Variants in ST7 observed in about 807,000 individuals in gnomAD.
ST7 encodes the protein suppression of tumorigenicity 7.
ST7 carries 28 observed loss-of-function variants against 78.7 expected under a neutral mutation model. The observed-to-expected ratio is 0.36, with a 90% CI of 0.26 to 0.49. The LOEUF is 0.49. Among genes scored for constraint, ST7 ranks in the 20% least tolerant of loss-of-function variants. ST7 has a pLI of 0.99. For missense variants in ST7, 418 were observed against 696.0 expected, an observed-to-expected ratio of 0.60 and a Z score of 4.49; for synonymous variants, 247 against 249.6, an observed-to-expected ratio of 0.99 and a Z score of 0.10.
At chr7:117,075,074 C>A (rs778326644) in intron 1 of ST7, among the ~76,000 whole-genome samples, 17 of 152,036 alleles carry the variant, frequency 1.1e-4, no homozygotes, top group Non-Finnish European at 1.8e-4. Context: ...AAAGGTGATA[C>A]CAGTGGTATG....
At chr7:117,110,583 C>T (rs185373220) in intron 2 of ST7, among the ~76,000 whole-genome samples, 201 of 152,324 alleles carry the variant, frequency 1.3e-3, no homozygotes, top group African/African-American at 4.6e-3. Flanking sequence ...AGGCAGCCTG[C>T]ACTCTGTCAC....
At chr7:117,051,879 A>AAGG (rs1797807896) in intron 1 of ST7, among the ~76,000 whole-genome samples, 1 of 152,218 alleles carries the variant, frequency 6.6e-6, no homozygotes, top group Non-Finnish European at 1.5e-5. Context: ...AAATTATCTG[A>AAGG]AGGAAATAGA....
intron 2 of ST7, among the ~76,000 whole-genome samples, chr7:117,113,596 G>T (rs1458895258): frequency 6.6e-6 from 1 of 152,150 alleles, no homozygotes; most frequent in East Asian, 1.9e-4. Context: ...ATCGTTTATT[G>T]TCTTCTTCCT....
chr7:117,150,440 G>A (rs1211930049), intron 9 of ST7, among the ~76,000 whole-genome samples: 1 of 151,984 alleles, frequency 6.6e-6, no homozygotes, highest in Non-Finnish European at 1.5e-5. Flanking sequence ...AGCTCTTCAG[G>A]TGGCCAGTTT....
intron 1 of ST7, among the ~76,000 whole-genome samples, chr7:116,977,302 T>G (rs1332518672): frequency 6.6e-6 from 1 of 152,230 alleles, no homozygotes; most frequent in East Asian, 1.9e-4. Context: ...AAAGTGTGAC[T>G]GTACTGCAAA....
chr7:117,172,150 G>A (rs1808045152), intron 10 of ST7, among the ~76,000 whole-genome samples: 1 of 152,066 alleles, frequency 6.6e-6, no homozygotes, highest in East Asian at 1.9e-4. Context: ...ACTGGTTATC[G>A]TTATGTTACC....
chr7:117,116,413 G>A (rs1277358101), intron 2 of ST7, among the ~76,000 whole-genome samples: 2 of 152,132 alleles, frequency 1.3e-5, no homozygotes, highest in Non-Finnish European at 2.9e-5. Context: ...AAATATGTGC[G>A]CATTAAATAA....
intron 1 of ST7, among the ~76,000 whole-genome samples, chr7:117,031,152 G>C (rs926342896): frequency 6.6e-6 from 1 of 151,634 alleles, no homozygotes; most frequent in African/African-American, 2.4e-5. Context: ...CACATGGACA[G>C]AAATTGGGTA....
chr7:117,215,500 G>A (rs1166108440), intron 13 of ST7, among the ~76,000 whole-genome samples: 1 of 152,170 alleles, frequency 6.6e-6, no homozygotes, highest in Non-Finnish European at 1.5e-5. Flanking sequence ...CACTATATGT[G>A]GATGCCTTGA....
intron 3 of ST7, among the ~76,000 whole-genome samples, chr7:117,120,028 G>C (rs766471756): frequency 6.6e-6 from 1 of 151,564 alleles, no homozygotes; most frequent in African/African-American, 2.4e-5. Flanking sequence ...TCTTATGCTC[G>C]GGTGATCCTC....
chr7:117,050,020 C>A (rs2116356520), intron 1 of ST7, among the ~76,000 whole-genome samples: 1 of 148,528 alleles, frequency 6.7e-6, no homozygotes, highest in East Asian at 2.0e-4. Flanking sequence ...TCCCGGCTAA[C>A]ACGGTGAAAC....
At chr7:117,169,977 T>C (rs1807867594) in intron 9 of ST7, among the ~76,000 whole-genome samples, 1 of 152,118 alleles carries the variant, frequency 6.6e-6, no homozygotes, top group African/African-American at 2.4e-5. Flanking sequence ...TCCTCTTTAC[T>C]ACCACCCCCA....
intron 1 of ST7, among the ~76,000 whole-genome samples, chr7:117,003,886 CTT>C (rs1795047614): frequency 6.6e-6 from 1 of 152,144 alleles, no homozygotes; most frequent in Non-Finnish European, 1.5e-5. Flanking sequence ...TGGAGGGTGT[CTT>C]TGCAGGGTGA....
intron 3 of ST7, among the ~76,000 whole-genome samples, chr7:117,125,301 A>G (rs1422402545): frequency 6.6e-6 from 1 of 152,106 alleles, no homozygotes; most frequent in African/African-American, 2.4e-5. Flanking sequence ...TGAGAAGTGC[A>G]TGACAGATGC....
chr7:117,071,142 C>G (rs1798929938), intron 1 of ST7, among the ~76,000 whole-genome samples: 1 of 152,064 alleles, frequency 6.6e-6, no homozygotes, highest in South Asian at 2.1e-4. Flanking sequence ...TGGCGTGAAC[C>G]CGGGAGGCGG....
intron 1 of ST7, among the ~76,000 whole-genome samples, chr7:117,033,157 A>G (rs896964096): frequency 6.6e-6 from 1 of 152,192 alleles, no homozygotes; most frequent in African/African-American, 2.4e-5. Flanking sequence ...ATTTTTGAAG[A>G]TTTCCATACC....
chr7:117,015,159 T>C (rs1795548447), intron 1 of ST7: 1 of 424,128 alleles, frequency 2.4e-6, no homozygotes, highest in South Asian at 1.1e-4. Flanking sequence ...TGTATGAATT[T>C]GTTTTATCCA....
chr7:117,152,624 A>T (rs1480672324), intron 9 of ST7, among the ~76,000 whole-genome samples: 1 of 152,104 alleles, frequency 6.6e-6, no homozygotes, highest in Non-Finnish European at 1.5e-5. Context: ...GTTTTGTTGC[A>T]GGGGAGAGGA....
At chr7:117,193,443 G>A (rs1313955577) in intron 12 of ST7, among the ~76,000 whole-genome samples, 3 of 152,306 alleles carry the variant, frequency 2.0e-5, no homozygotes, top group African/African-American at 7.2e-5. Context: ...TCTGTGAGGT[G>A]TATTATATTA....
Sources: gnomAD v4.1 joint callset for allele counts (sites outside exome capture counted in the v4.1 genomes callset) on GRCh38, gnomAD v4.1.1 for gene constraint, MANE v1.5 for transcripts, NCBI Gene and HGNC (gene_info 2026-07-23, HGNC 2026-07-21) for gene names.